NLGN4Y: variants seen among roughly 807,000 people sequenced by gnomAD.
NLGN4Y encodes neuroligin 4 Y-linked, also known as neuroligin-4, Y-linked.
NLGN4Y carries 4 observed loss-of-function variants against 8.4 expected under a neutral mutation model. That is an observed-to-expected ratio of 0.48 (90% CI 0.23 to 1.09). The LOEUF (loss-of-function observed/expected upper bound fraction) is 1.09, where lower values mean the gene tolerates loss of function less well. Ranked by LOEUF, NLGN4Y falls within the 50% of genes least tolerant of loss-of-function variation. NLGN4Y has a pLI of 0.19. For synonymous variants in NLGN4Y, 35 were observed against 75.6 expected (o/e 0.46, Z 2.78); for missense variants, 90 against 192.3 (o/e 0.47, Z 3.15).
intron 2 of NLGN4Y, among the ~76,000 whole-genome samples, chrY:14,633,090 A>G: frequency 3.0e-5 from 1 of 33,834 alleles, no homozygotes; most frequent in Non-Finnish European, 7.3e-5. Context: ...TACCTAGAAT[A>G]TAATAAAAAT....
Position 14,524,586 on chromosome Y carries a change from G to C in NLGN4Y, c.-234G>C. 1 of 121,745 alleles carries C rather than the reference G, an allele frequency of 8.2e-6. No individual in the cohort carries two copies. Among genetic ancestry groups the C allele is most frequent in the Non-Finnish European group, 1.8e-5 (1 of 56,064 alleles). 30.4% of individuals were successfully genotyped at this position (121,745 alleles called of 400,897 possible). ...AGCTAGGGGCTGTGAGACGAAGCAG[G>C]GAGAGAGTGAACTTCAGCCCCGTCC... On this transcript the variant is annotated 5_prime_UTR_variant, in exon 1 of 7. Coordinates refer to ENST00000684976, the MANE Select transcript of NLGN4Y (RefSeq NM_001365588.1).
intron 1 of NLGN4Y, among the ~76,000 whole-genome samples, chrY:14,593,638 C>T: frequency 3.0e-5 from 1 of 33,402 alleles, no homozygotes; most frequent in South Asian, 6.8e-4. Context: ...TACCAAGGGT[C>T]CTTCCATAGG....
intron 5 of NLGN4Y, among the ~76,000 whole-genome samples, chrY:14,828,057 T>C (rs2043155319): frequency 6.0e-5 from 2 of 33,191 alleles, no homozygotes; most frequent in Admixed American, 5.5e-4. Context: ...GGCTCAGCTA[T>C]TCAAAACAAT....
chrY:14,635,909 G>A, intron 2 of NLGN4Y, among the ~76,000 whole-genome samples: 6 of 32,733 alleles, frequency 1.8e-4, no homozygotes, highest in African/African-American at 7.2e-4. Context: ...GATGTTTTCT[G>A]TGGCGGTTCC....
chrY:14,776,859 T>TA, intron 4 of NLGN4Y, among the ~76,000 whole-genome samples: 1 of 33,185 alleles, frequency 3.0e-5, no homozygotes, highest in Non-Finnish European at 7.5e-5. Context: ...ATTCATTTCT[T>TA]AAAAAAATAC....
rs768240774 is a variant in NLGN4Y at position 14,615,694 on chromosome Y, A to G, written c.-111-6315A>G. Among the ~76,000 whole-genome samples, 61 of 33,733 alleles carry G rather than the reference A, an allele frequency of 1.8e-3. No individual in the cohort carries two copies. In the East Asian group the frequency reaches 0.047, roughly 26 times the overall value. 90.5% of individuals were successfully genotyped at this position (33,733 alleles called of 37,273 possible). ...GAATTTTGTCAAAGGCCTTTTATGC[A>G]TCTATTGAGATAATCATGTGCTTTT... On this transcript the variant is annotated intron_variant, in intron 1 of 6. Transcript: ENST00000684976.
intron 4 of NLGN4Y, among the ~76,000 whole-genome samples, chrY:14,762,125 C>T (rs2081081203): frequency 6.0e-5 from 2 of 33,109 alleles, no homozygotes; most frequent in East Asian, 1.6e-3. Flanking sequence ...CACCACAGTC[C>T]GCTGTAGGTG....
intron 1 of NLGN4Y, among the ~76,000 whole-genome samples, chrY:14,554,954 A>G: frequency 3.0e-5 from 1 of 33,488 alleles, no homozygotes; most frequent in Non-Finnish European, 7.4e-5. Context: ...TAATATACAT[A>G]TGGGATCCAC....
intron 1 of NLGN4Y, among the ~76,000 whole-genome samples, chrY:14,530,387 G>A (rs2080106869): frequency 3.1e-5 from 1 of 32,491 alleles, no homozygotes; most frequent in Non-Finnish European, 7.5e-5. Context: ...ATGGGCCTGG[G>A]TGTAATCTTC....
At chrY:14,712,546 T>C in intron 2 of NLGN4Y, among the ~76,000 whole-genome samples, 1 of 32,995 alleles carries the variant, frequency 3.0e-5, no homozygotes, top group Non-Finnish European at 7.5e-5. Context: ...AATGTATTAC[T>C]GGTCCTTGCT....
At chrY:14,740,602 G>A (rs995680499) in intron 4 of NLGN4Y, among the ~76,000 whole-genome samples, 1 of 33,446 alleles carries the variant, frequency 3.0e-5, no homozygotes, top group Admixed American at 2.7e-4. Flanking sequence ...AACATGTAAG[G>A]CTAATGCATG....
chrY:14,549,207 A>G (rs2080183029), intron 1 of NLGN4Y, among the ~76,000 whole-genome samples: 1 of 32,957 alleles, frequency 3.0e-5, no homozygotes, highest in Admixed American at 2.8e-4. Flanking sequence ...CCCAATGTAA[A>G]TCACTTTCAG....
intron 4 of NLGN4Y, among the ~76,000 whole-genome samples, chrY:14,821,435 C>G (rs755122471): frequency 2.0e-3 from 66 of 33,753 alleles, no homozygotes; most frequent in South Asian, 8.7e-3. Context: ...TCAGAATGCC[C>G]TTTTTACAAT....
At chrY:14,567,008 C>G in intron 1 of NLGN4Y, among the ~76,000 whole-genome samples, 1 of 33,212 alleles carries the variant, frequency 3.0e-5, no homozygotes, top group Non-Finnish European at 7.4e-5. Context: ...ACTGAACAAC[C>G]CGCTCCTGAA....
At chrY:14,811,767 C>A (rs2043081278) in intron 4 of NLGN4Y, among the ~76,000 whole-genome samples, 1 of 33,447 alleles carries the variant, frequency 3.0e-5, no homozygotes, top group Non-Finnish European at 7.4e-5. Flanking sequence ...GAGGAAACAT[C>A]TACATTATTA....
At chrY:14,815,841 C>A (rs963449508) in intron 4 of NLGN4Y, among the ~76,000 whole-genome samples, 16 of 33,654 alleles carry the variant, frequency 4.8e-4, no homozygotes, top group African/African-American at 1.2e-4. Context: ...AGGCTTCTAT[C>A]AAATTTCTAA....
chrY:14,707,945 C>G (rs780522176), intron 2 of NLGN4Y, among the ~76,000 whole-genome samples: 1 of 33,129 alleles, frequency 3.0e-5, no homozygotes, highest in African/African-American at 1.2e-4. Context: ...CAGTGTTTTT[C>G]CTAACCTTAA....
chrY:14,640,906 T>A (rs2080587588), intron 2 of NLGN4Y, among the ~76,000 whole-genome samples: 1 of 34,220 alleles, frequency 2.9e-5, no homozygotes, highest in Non-Finnish European at 7.3e-5. Flanking sequence ...ATGGCAACAA[T>A]ATTGTAAAAT....
At position 14,741,921 on chromosome Y, in the gene NLGN4Y, A is replaced by G. The variant is rs958622095; in HGVS notation, c.685+18652A>G. Among the ~76,000 whole-genome samples, 5 of 34,078 alleles carry G rather than the reference A, an allele frequency of 1.5e-4. No homozygotes were observed. The East Asian group carries it at 3.1e-3, about 21-fold the overall frequency. The allele number at this position is 34,078 out of a possible 37,273, so 91.4% of individuals were successfully genotyped here. On this transcript the variant is annotated intron_variant, in intron 4 of 6. Transcript: ENST00000684976. Reference sequence around the variant, plus strand: ...TAACATGATACAAAATCATTTTCATATCTTGTGATAGTGTCAGCCAAGTGT... The same window carrying G: ...TAACATGATACAAAATCATTTTCATGTCTTGTGATAGTGTCAGCCAAGTGT...
Sources: allele counts gnomAD v4.1 joint callset (sites outside exome capture counted in the v4.1 genomes callset), GRCh38; gene constraint gnomAD v4.1.1; transcripts MANE v1.5; gene names NCBI Gene and HGNC (gene_info 2026-07-23, HGNC 2026-07-21).